EME1: variants seen among roughly 807,000 people sequenced by gnomAD.
The protein encoded by EME1 is essential meiotic structure-specific endonuclease 1, also known as structure-specific endonuclease subunit EME1.
EME1 carries 61 observed loss-of-function variants against 59.1 expected under a neutral mutation model. The ratio of observed to expected loss-of-function variants is 1.03; its 90% CI spans 0.84 to 1.28. The LOEUF is 1.28. Ranked by LOEUF, EME1 falls within the 50% of genes most tolerant of loss-of-function variation. The probability of loss-of-function intolerance (pLI) is 0.00; values close to 1 mark genes in which losing one functional copy is unlikely to be tolerated. For synonymous variants in EME1, 230 were observed against 254.2 expected (o/e 0.90, Z 0.90); for missense variants, 635 against 682.6 (o/e 0.93, Z 0.78).
In EME1 at chr17:50,375,802, A is replaced by G; in HGVS notation, c.594A>G (p.Lys198=). 6.2e-7 allele frequency: 1 copy of G among 1,614,198 alleles called. No homozygotes were observed. The highest frequency in any genetic ancestry group is 1.7e-5 in the Admixed American group (1 of 60,014). The change falls in exon 2 of 9, where the codon AAA becomes AAG. Residue 198 remains lysine (K), a synonymous_variant. Coordinates refer to ENST00000338165, the MANE Select transcript of EME1 (RefSeq NM_152463.4). ...TNSDILPPQK[K]TKPSQKVQGR... ...CTGACATCCTTCCACCCCAGAAGAA[A>G]ACCAAGCCGAGTCAGAAGGTCCAGG...
rs747906296 is a variant in EME1 at position 50,380,868 on chromosome 17, G to C, written c.1642G>C (p.Glu548Gln). 3.7e-6 allele frequency: 6 copies of C among 1,614,176 alleles called. No individual in the cohort carries two copies. Among genetic ancestry groups the C allele is most frequent in the South Asian group, 1.1e-5 (1 of 91,084 alleles). ...ATCCACTTCTCGCCGCATTGGACCAGAACTATCCAGGCGTATCTACCTTCA... is the reference window on the plus strand; with the variant it reads ...ATCCACTTCTCGCCGCATTGGACCACAACTATCCAGGCGTATCTACCTTCA... ...VTSTSRRIGP[E>Q]LSRRIYLQMT... Residue 548 changes from glutamate (E) to glutamine (Q), a missense_variant, in exon 9 of 9, where the codon GAA becomes CAA. Physicochemically the swap from Glu to Gln is conservative, Grantham distance 29. Coordinates refer to ENST00000338165, the MANE Select transcript of EME1 (RefSeq NM_152463.4).
Position 50,380,862 on chromosome 17 carries a change from G to C in EME1, c.1636G>C (p.Gly546Arg). 1 of 1,614,178 alleles carries C rather than the reference G, an allele frequency of 6.2e-7. No individual in the cohort carries two copies. The highest frequency in any genetic ancestry group is 1.3e-5 in the African/African-American group (1 of 75,038). ...EGVTSTSRRI[G>R]PELSRRIYLQ... ...TGTGACATCCACTTCTCGCCGCATT[G>C]GACCAGAACTATCCAGGCGTATCTA... Residue 546 changes from glycine to arginine, a missense_variant, in exon 9 of 9, where the codon GGA (glycine) becomes CGA (arginine). Transcript: ENST00000338165.
At chr17:50,378,715 C>T (rs2143323319) in intron 4 of EME1, 34 bp downstream of exon 4, 2 of 1,614,180 alleles carry the variant, frequency 1.2e-6, no homozygotes, top group East Asian at 2.2e-5. Flanking sequence ...GGACACGGAA[C>T]AGAGGGCTGA....
rs1373589563 is a variant in EME1, at chr17:50,375,337, G to A, written c.129G>A (p.Lys43=). The A allele has an allele frequency of 3.7e-6, 6 of 1,614,128 alleles. No individual in the cohort carries two copies. The African/African-American group carries it at 6.7e-5, about 18-fold the overall frequency. The change falls in exon 2 of 9, where the codon AAG becomes AAA. Residue 43 remains lysine, a synonymous_variant. Coordinates refer to ENST00000338165, the MANE Select transcript of EME1 (RefSeq NM_152463.4). ...GGAGACAGCCTGAAAGGGAAGAGAA[G>A]ATTGTAGTGGTTGACATCTCAGATT... ...TKRRQPEREE[K]IVVVDISDCE...
chr17:50,379,059 T>A (rs1305790534), intron 5 of EME1, 48 bp from the exon 6 acceptor site: 10 of 1,613,958 alleles, frequency 6.2e-6, no homozygotes, highest in Middle Eastern at 1.7e-4. Flanking sequence ...ATCTTCTGCC[T>A]GACTTCAGCC....
chr17:50,378,279 A>C (rs1479302426), intron 3 of EME1, among the ~76,000 whole-genome samples: 3 of 150,860 alleles, frequency 2.0e-5, no homozygotes, highest in Non-Finnish European at 4.4e-5. Context: ...GTTGGCCAGG[A>C]TGGGCTTGAT....
chr17:50,380,673 T>C, intron 8 of EME1, 90 bp from the exon 9 acceptor site: 2 of 1,578,278 alleles, frequency 1.3e-6, no homozygotes, highest in Non-Finnish European at 1.7e-6. Flanking sequence ...CAGGTTCTCA[T>C]GCCCCAAGCC....
Position 50,375,285 on chromosome 17 carries a change from TGAA to T in EME1, c.82_84del (p.Lys28del). On this transcript the variant is annotated inframe_deletion, in exon 2 of 9. Coordinates refer to ENST00000338165, the MANE Select transcript of EME1 (RefSeq NM_152463.4). ...GAGGAGTTGCCAACATTTGCCTTTCTGAAGAAGGAACCATCTTCAACAAAGAGG... is the reference window on the plus strand; with the variant it reads ...GAGGAGTTGCCAACATTTGCCTTTCTGAAGGAACCATCTTCAACAAAGAGG... The T allele has an allele frequency of 6.2e-7, 1 of 1,614,228 alleles. No homozygotes were observed. Among genetic ancestry groups the T allele is most frequent in the Non-Finnish European group, 8.5e-7 (1 of 1,180,046 alleles).
Position 50,375,567 on chromosome 17 carries a change from A to C in EME1, c.359A>C (p.Lys120Thr), listed in dbSNP as rs777335812. 3.3e-5 allele frequency: 54 copies of C among 1,614,080 alleles called. No individual in the cohort carries two copies. Among genetic ancestry groups the C allele is most frequent in the Non-Finnish European group, 4.4e-5 (52 of 1,180,030 alleles). ...LSPEDSSSPV[K>T]SVLDHQNNEG... ...CCTGAGGACTCTAGCTCCCCAGTTA[A>C]AAGTGTTTTGGATCATCAAAATAAT... The change falls in exon 2 of 9, where the codon AAA (lysine) becomes ACA (threonine). Residue 120 changes from lysine (K) to threonine (T), a missense_variant. Coordinates refer to ENST00000338165, the MANE Select transcript of EME1 (RefSeq NM_152463.4).
In EME1 at chr17:50,381,101, C is replaced by T. The variant is rs975625842; in HGVS notation, c.*162C>T. The T allele has an allele frequency of 6.6e-6, 5 of 763,076 alleles. No individual in the cohort carries two copies. In the African/African-American group the frequency reaches 8.8e-5, roughly 13 times the overall value. 47.3% of individuals were successfully genotyped at this position (763,076 alleles called of 1,614,324 possible). ...TATTTGTGAAGGTCTCTCTGCCTGTCGGCTGGGGCAGAGACTGAAATACTG... is the reference window on the plus strand; with the variant it reads ...TATTTGTGAAGGTCTCTCTGCCTGTTGGCTGGGGCAGAGACTGAAATACTG... On this transcript the variant is annotated 3_prime_UTR_variant, in exon 9 of 9. Coordinates refer to ENST00000338165, the MANE Select transcript of EME1 (RefSeq NM_152463.4).
rs750149608 is a variant in EME1, at chr17:50,375,214, T to C, written c.6T>C (p.Ala2=). M[A]LKKSSPSLDS... ...TTATTTGATAGCACATACTGATGGC[T>C]CTAAAGAAGTCATCACCCTCACTGG... Residue 2 remains alanine, a synonymous_variant, in exon 2 of 9, where the codon GCT becomes GCC. Transcript: ENST00000338165. The C allele has an allele frequency of 1.5e-5, 25 of 1,613,750 alleles. No individual in the cohort carries two copies. In the South Asian group the frequency reaches 2.6e-4, roughly 17 times the overall value.
rs372248513 is a variant in EME1 at position 50,379,523 on chromosome 17, C to G, written c.1302C>G (p.Asp434Glu). 42 of 1,614,120 alleles carry G rather than the reference C, an allele frequency of 2.6e-5. No homozygotes were observed. Among genetic ancestry groups the G allele is most frequent in the Non-Finnish European group, 3.5e-5 (41 of 1,180,048 alleles). Residue 434 changes from aspartate to glutamate, a missense_variant, in exon 7 of 9, where the codon GAC becomes GAG. Transcript: ENST00000338165. ...QIVQSWKELA[D>E]FTCAFTKAVA... ...TGCAGAGCTGGAAAGAGCTGGCCGA[C>G]TTCACATGCGCATTCACAAAGGCTG...
At chr17:50,373,701 G>C (rs1477310573) in intron 1 of EME1, among the ~76,000 whole-genome samples, 1 of 152,206 alleles carries the variant, frequency 6.6e-6, no homozygotes, top group Admixed American at 6.5e-5. Context: ...TTCAAGAAAT[G>C]ATTAGCTTTG....
At chr17:50,376,615 C>T (rs183741339) in intron 3 of EME1, among the ~76,000 whole-genome samples, 6 of 152,306 alleles carry the variant, frequency 3.9e-5, no homozygotes, top group East Asian at 3.9e-4. Flanking sequence ...AAATCACCCC[C>T]GGTTGAGAAC....
At chr17:50,379,015 T>C (rs546119968) in intron 5 of EME1, 92 bp from the exon 6 acceptor site, 91 of 1,612,480 alleles carry the variant, frequency 5.6e-5, no homozygotes, top group Middle Eastern at 3.4e-4. Context: ...CTCTAACAAG[T>C]CCAGGGGGAT....
chr17:50,379,180 G>A lies in EME1; in HGVS notation c.1186G>A (p.Glu396Lys). Residue 396 changes from glutamate (E) to lysine (K), a missense_variant, in exon 6 of 9, where the codon GAG becomes AAG. Physicochemically the swap from Glu to Lys is moderately conservative, Grantham distance 56. Transcript: ENST00000338165. ...CAAGAAGCAGCAGCAGAGACAACCA[G>A]AGGCCAGCATAGGGTCCATGGTATC... Reference protein sequence around the residue: ...QTKKQQQRQPEASIGSMVSRV... With the variant: ...QTKKQQQRQPKASIGSMVSRV... The A allele has an allele frequency of 6.2e-7, 1 of 1,614,220 alleles. No individual in the cohort carries two copies. Among genetic ancestry groups the A allele is most frequent in the Non-Finnish European group, 8.5e-7 (1 of 1,180,044 alleles).
In EME1 at chr17:50,375,298, A is replaced by G. The variant is rs935504870; in HGVS notation, c.90A>G (p.Pro30=). 1.2e-6 allele frequency: 2 copies of G among 1,614,222 alleles called. No homozygotes were observed. The highest frequency in any genetic ancestry group is 1.7e-6 in the Non-Finnish European group (2 of 1,180,040). Residue 30 remains proline, a synonymous_variant, in exon 2 of 9, where the codon CCA becomes CCG. Transcript: ENST00000338165. Reference sequence around the variant, plus strand: ...CATTTGCCTTTCTGAAGAAGGAACCATCTTCAACAAAGAGGAGACAGCCTG... The same window carrying G: ...CATTTGCCTTTCTGAAGAAGGAACCGTCTTCAACAAAGAGGAGACAGCCTG... The part of the protein sequence containing the change: ...LPTFAFLKKE[P]SSTKRRQPER...
At chr17:50,380,072 A>G in intron 7 of EME1, 1 of 453,742 alleles carries the variant, frequency 2.2e-6, no homozygotes, top group Non-Finnish European at 4.0e-6. Context: ...AGATATCCAA[A>G]GAATCTGGTA....
rs1300540466 is a variant in EME1 at position 50,375,478 on chromosome 17, A to G, written c.270A>G (p.Glu90=). 1 of 1,613,992 alleles carries G rather than the reference A, an allele frequency of 6.2e-7. No homozygotes were observed. The highest frequency in any genetic ancestry group is 1.7e-5 in the Admixed American group (1 of 59,984). ...VRLLSSESED[E]EEFIPLAQRL... ...TGCTAAGCAGTGAAAGTGAAGATGA[A>G]GAAGAATTTATTCCTCTGGCTCAAA... Residue 90 remains glutamate (E), a synonymous_variant, in exon 2 of 9, where the codon GAA becomes GAG. Transcript: ENST00000338165.
Sources: gnomAD v4.1 joint callset for allele counts (sites outside exome capture counted in the v4.1 genomes callset) on GRCh38, gnomAD v4.1.1 for gene constraint, MANE v1.5 for transcripts, NCBI Gene and HGNC (gene_info 2026-07-23, HGNC 2026-07-21) for gene names.